Variants in LIMS2 observed in about 807,000 individuals in gnomAD.
LIMS2 encodes LIM and senescent cell antigen-like-containing domain protein 2.
LIMS2 carries 30 observed loss-of-function variants against 45.3 expected under a neutral mutation model. The observed-to-expected ratio is 0.66, with a 90% CI of 0.50 to 0.90. The LOEUF is 0.90. Among genes scored for constraint, LIMS2 ranks in the 40% least tolerant of loss-of-function variants. The pLI, the probability that LIMS2 is intolerant of heterozygous loss-of-function variation, is 0.00. For synonymous variants in LIMS2, 173 were observed against 188.0 expected (o/e 0.92, Z 0.65); for missense variants, 485 against 468.7 (o/e 1.03, Z -0.32).
intron 4 of LIMS2, chr2:127,650,915 C>A: frequency 6.2e-7 from 1 of 1,614,074 alleles, no homozygotes; most frequent in Non-Finnish European, 8.5e-7. Flanking sequence ...TCCGAGACCA[C>A]AAGTCCGGGA....
chr2:127,650,310 C>T (rs1683597957), intron 4 of LIMS2: 2 of 568,194 alleles, frequency 3.5e-6, no homozygotes, highest in South Asian at 2.1e-5. Flanking sequence ...AGACACACTG[C>T]CCCCGCCCCT....
In LIMS2 at chr2:127,650,014, G is replaced by A. The variant is rs753360900; in HGVS notation, c.359+4410C>T. The stretch of plus-strand genomic sequence containing the variant: ...CACAGGTCTCCCCACCTGTCAGGAT[G>A]TCCAAACGGAGTTGGTGGGCTGGAT... On this transcript the variant is annotated intron_variant, in intron 4 of 9. Coordinates refer to ENST00000355119, the MANE Select transcript of LIMS2 (RefSeq NM_001161403.3). 26 of 1,608,068 alleles carry A rather than the reference G, an allele frequency of 1.6e-5. No individual in the cohort carries two copies. In the East Asian group the frequency reaches 5.8e-4, roughly 36 times the overall value.
chr2:127,663,847 C>T (rs1463444840), intron 1 of LIMS2, among the ~76,000 whole-genome samples: 1 of 152,234 alleles, frequency 6.6e-6, no homozygotes, highest in East Asian at 1.9e-4. Context: ...CCCTCCCAAC[C>T]TCCCCATCCA....
At chr2:127,665,639 G>A (rs1050944893) in intron 1 of LIMS2, among the ~76,000 whole-genome samples, 3 of 152,204 alleles carry the variant, frequency 2.0e-5, no homozygotes, top group Non-Finnish European at 2.9e-5. Flanking sequence ...AGGGAATACC[G>A]CTGACTCTCT....
chr2:127,676,132 G>A (rs1573856486), upstream of LIMS2, among the ~76,000 whole-genome samples: 1 of 152,350 alleles, frequency 6.6e-6, no homozygotes, highest in South Asian at 2.1e-4. Context: ...TTTCCAGCTG[G>A]ACAGTGGCGT....
rs1573742257 is a variant in LIMS2 at position 127,638,616 on chromosome 2, G to A, written c.*665C>T. ...CAAGCCCCAAGGTCGGGGGGAGAGG[G>A]GCGGGGCGGAACCGAGGGCGGAGGC... On this transcript the variant is annotated 3_prime_UTR_variant, in exon 10 of 10. Transcript: ENST00000355119. The A allele has an allele frequency of 6.5e-6, 1 of 152,948 alleles. No individual in the cohort carries two copies. The highest frequency in any genetic ancestry group is 1.9e-4 in the East Asian group (1 of 5,172). 9.5% of individuals were successfully genotyped at this position (152,948 alleles called of 1,614,324 possible). A position where few individuals can be genotyped will look rare whatever the true frequency, so the allele number is the denominator to read the frequency against.
intron 6 of LIMS2, chr2:127,641,293 TCC>T: frequency 3.7e-6 from 1 of 268,270 alleles, no homozygotes; most frequent in Non-Finnish European, 7.3e-6. Context: ...CAGTCTGGCC[TCC>T]CCCTCGGCAG....
At chr2:127,676,034 G>T (rs987330001), upstream of LIMS2, among the ~76,000 whole-genome samples, 1 of 152,220 alleles carries the variant, frequency 6.6e-6, no homozygotes, top group East Asian at 1.9e-4. Context: ...TAAGATGGAG[G>T]GGTAATATAA....
intron 2 of LIMS2, chr2:127,655,104 G>A (rs965109852): frequency 2.2e-5 from 14 of 634,502 alleles, no homozygotes; most frequent in Non-Finnish European, 3.2e-5. Context: ...AGGTGCCCCC[G>A]TGGAAGCTGG....
Position 127,675,172 on chromosome 2 carries a change from A to T in LIMS2, c.-148T>A. 3.9e-5 allele frequency: 8 copies of T among 203,252 alleles called. No individual in the cohort carries two copies. Among genetic ancestry groups the T allele is most frequent in the Non-Finnish European group, 3.2e-5 (5 of 155,254 alleles). The allele number at this position is 203,252 out of a possible 1,614,324, so 12.6% of individuals were successfully genotyped here. A position where few individuals can be genotyped will look rare whatever the true frequency, so the allele number is the denominator to read the frequency against. On this transcript the variant is annotated 5_prime_UTR_variant, in exon 1 of 10. Transcript: ENST00000355119. Reference sequence around the variant, plus strand: ...GGCCAAGAGCCGCTCCGCCCGCGAGAGGGGTGGGCGGGGGTGGCAGGGTGG... The same window carrying T: ...GGCCAAGAGCCGCTCCGCCCGCGAGTGGGGTGGGCGGGGGTGGCAGGGTGG...
Position 127,675,027 on chromosome 2 carries a change from T to A in LIMS2, c.-3A>T, listed in dbSNP as rs748344208. ...GGGGGCCGTTACCTTCCCGTCATGG[T>A]GGCAGCGACGCCGAGCCCTGGGTTG... is the stretch of plus-strand genomic sequence containing the variant. On this transcript the variant is annotated 5_prime_UTR_variant, in exon 1 of 10. Transcript: ENST00000355119. 2.2e-5 allele frequency: 27 copies of A among 1,229,586 alleles called. No homozygotes were observed. In the Admixed American group the frequency reaches 2.5e-4, roughly 12 times the overall value. The allele number at this position is 1,229,586 out of a possible 1,614,324, so 76.2% of individuals were successfully genotyped here.
chr2:127,656,597 T>C (rs1362816154), intron 2 of LIMS2, among the ~76,000 whole-genome samples: 2 of 152,102 alleles, frequency 1.3e-5, no homozygotes, highest in Admixed American at 6.5e-5. Context: ...GTATTTTTAG[T>C]ACAGACAGGG....
In LIMS2 at chr2:127,640,728, C is replaced by T. The variant is rs910709157; in HGVS notation, c.753+168G>A. ...AGGAAGACACTGAGACTGAAGAGAG[C>T]TGCCCAGGTCTCGAGACCCCAGGCC... On this transcript the variant is annotated intron_variant, in intron 7 of 9. Transcript: ENST00000355119. The T allele has an allele frequency of 7.9e-6, 5 of 636,350 alleles. No individual in the cohort carries two copies. The Admixed American group carries it at 1.3e-4, about 17-fold the overall frequency. The allele number at this position is 636,350 out of a possible 1,614,324, so 39.4% of individuals were successfully genotyped here.
chr2:127,651,721 A>T (rs1275444017), intron 4 of LIMS2: 1 of 1,612,544 alleles, frequency 6.2e-7, no homozygotes, highest in Non-Finnish European at 8.5e-7. Flanking sequence ...GGGAAAACCA[A>T]CGAGAGCTCG....
At chr2:127,646,548 G>C (rs959348918) in intron 4 of LIMS2, 2 of 152,286 alleles carry the variant, frequency 1.3e-5, no homozygotes, top group Non-Finnish European at 2.9e-5. Context: ...CCAGATGCCT[G>C]GGAGAGGGCT....
At chr2:127,644,033 G>A (rs1207595878) in intron 4 of LIMS2, 1 of 456,334 alleles carries the variant, frequency 2.2e-6, no homozygotes, top group East Asian at 7.0e-5. Context: ...AGATGCCAGG[G>A]CCACCCATTC....
intron 4 of LIMS2, chr2:127,651,788 GT>G (rs1683831077): frequency 6.3e-7 from 1 of 1,587,666 alleles, no homozygotes; most frequent in African/African-American, 1.3e-5. Context: ...AGCGCAGACT[GT>G]TTAGGACTCA....
chr2:127,648,963 A>AGGGGGGAGGGGGGAG (rs1683306744), intron 4 of LIMS2, among the ~76,000 whole-genome samples: 1 of 12,520 alleles, frequency 8.0e-5, no homozygotes, highest in African/African-American at 3.4e-4. Flanking sequence ...AGGGGAGGGG[A>AGGGGGGAGGGGGGAG]GGGGGGGAGG....
upstream of LIMS2, among the ~76,000 whole-genome samples, chr2:127,677,957 G>C (rs571172428): frequency 1.9e-4 from 29 of 152,160 alleles, no homozygotes; most frequent in African/African-American, 7.0e-4. The surrounding 1 kb of genome is among the most constrained non-coding windows in gnomAD (Gnocchi z 5.0). Context: ...TAGGAGTTTG[G>C]GTCACACAAG....
Sources: gnomAD v4.1 joint callset for allele counts (sites outside exome capture counted in the v4.1 genomes callset) on GRCh38, gnomAD v4.1.1 for gene constraint, Gnocchi (gnomAD v3.1) non-coding constraint, MANE v1.5 for transcripts, NCBI Gene and HGNC (gene_info 2026-07-23, HGNC 2026-07-21) for gene names.